The following ZMIZ1 variants were observed in gnomAD, a reference collection of about 807,000 sequenced individuals.
The protein encoded by ZMIZ1 is zinc finger MIZ domain-containing protein 1.
A neutral mutation model predicts 113.9 loss-of-function variants in ZMIZ1; 17 were observed. That is an observed-to-expected ratio of 0.15 (90% CI 0.10 to 0.22). ZMIZ1 has a LOEUF of 0.22. Among genes scored for constraint, ZMIZ1 ranks in the 10% least tolerant of loss-of-function variants. The pLI, the probability that ZMIZ1 is intolerant of heterozygous loss-of-function variation, is 1.00. For synonymous variants in ZMIZ1, 607 were observed against 603.1 expected (o/e 1.01, Z -0.09); for missense variants, 1,059 against 1,477.8 (o/e 0.72, Z 4.65).
intron 2 of ZMIZ1, among the ~76,000 whole-genome samples, chr10:79,121,110 C>A (rs1844270078): frequency 6.6e-6 from 1 of 152,188 alleles, no homozygotes; most frequent in African/African-American, 2.4e-5. Context: ...CTCAGGGACA[C>A]CTGCTCATAA....
intron 7 of ZMIZ1, among the ~76,000 whole-genome samples, chr10:79,268,848 G>A (rs572129794): frequency 6.6e-6 from 1 of 152,350 alleles, no homozygotes; most frequent in East Asian, 1.9e-4. Context: ...AGGCAGGTTT[G>A]GAGATGGAGA....
At chr10:79,117,857 G>A (rs1844122682) in intron 1 of ZMIZ1, among the ~76,000 whole-genome samples, 1 of 152,208 alleles carries the variant, frequency 6.6e-6, no homozygotes, top group Non-Finnish European at 1.5e-5. Flanking sequence ...CCAGGTCAGG[G>A]GAAGTAGAGC....
chr10:79,101,192 A>G (rs910889393), intron 1 of ZMIZ1, among the ~76,000 whole-genome samples: 1 of 152,116 alleles, frequency 6.6e-6, no homozygotes, highest in Non-Finnish European at 1.5e-5. Context: ...GAGGAAGGCA[A>G]GATCTTGGCA....
rs369252420 is a variant in ZMIZ1 at position 79,149,631 on chromosome 10, G to A, written c.-131+9854G>A. ...GGGGTGAAGGGGTCTTTCTCTAGGC[G>A]CTGTGCCTGTGGTTGACATCACGTT... is the stretch of plus-strand genomic sequence containing the variant. On this transcript the variant is annotated intron_variant, in intron 3 of 24. Transcript: ENST00000334512. Among the ~76,000 whole-genome samples, 11 of 152,308 alleles carry A rather than the reference G, an allele frequency of 7.2e-5. 1 individual carries two copies. The East Asian group carries it at 9.7e-4, about 13-fold the overall frequency.
At chr10:79,232,337 G>C (rs1048572940) in intron 7 of ZMIZ1, among the ~76,000 whole-genome samples, 24 of 152,312 alleles carry the variant, frequency 1.6e-4, no homozygotes, top group African/African-American at 4.8e-4. Flanking sequence ...AAGATGGCTG[G>C]TATGGGAAGG....
intron 24 of ZMIZ1, 42 bp from the exon 25 acceptor site, chr10:79,312,599 TC>T (rs769309432): frequency 1.9e-6 from 3 of 1,608,978 alleles, no homozygotes; most frequent in South Asian, 2.2e-5. Context: ...GGCCTGCCTC[TC>T]AGGCACACCT....
chr10:79,179,955 G>A (rs997467506), intron 4 of ZMIZ1, among the ~76,000 whole-genome samples: 2 of 152,244 alleles, frequency 1.3e-5, no homozygotes, highest in African/African-American at 4.8e-5. Flanking sequence ...TCAGCATCCT[G>A]GGGCCAACGG....
intron 10 of ZMIZ1, 69 bp from the exon 11 acceptor site, chr10:79,292,089 C>T: frequency 6.9e-7 from 1 of 1,450,338 alleles, no homozygotes; most frequent in South Asian, 1.2e-5. Flanking sequence ...CCCTTCCAGC[C>T]CACAGCTTGC....
intron 7 of ZMIZ1, among the ~76,000 whole-genome samples, chr10:79,236,915 A>C (rs1292176957): frequency 1.3e-5 from 2 of 152,256 alleles, no homozygotes; most frequent in Non-Finnish European, 2.9e-5. Context: ...CCTTTTAGTG[A>C]GGGAGACAGC....
chr10:79,075,949 G>T (rs1422469839), intron 1 of ZMIZ1, among the ~76,000 whole-genome samples: 1 of 152,204 alleles, frequency 6.6e-6, no homozygotes, highest in Non-Finnish European at 1.5e-5. Context: ...TGGCAGGGAG[G>T]ATGGGGACGG....
intron 4 of ZMIZ1, among the ~76,000 whole-genome samples, chr10:79,170,849 C>A (rs891342534): frequency 6.6e-6 from 1 of 152,048 alleles, no homozygotes; most frequent in Non-Finnish European, 1.5e-5. Flanking sequence ...CCAACCCATG[C>A]GGCCCACCAT....
In ZMIZ1 at chr10:79,278,633, G is replaced by A. The variant is rs963925786; in HGVS notation, c.425+1308G>A. Among the ~76,000 whole-genome samples the A allele has an allele frequency of 3.3e-5, 5 of 151,360 alleles. No homozygotes were observed. The East Asian group carries it at 9.7e-4, about 29-fold the overall frequency. On this transcript the variant is annotated intron_variant, in intron 8 of 24. Transcript: ENST00000334512. ...TGGGTACTTGAGATTAGGGAGTGGT[G>A]ATGACTCTTAACGAGCATGCTGCCT...
intron 4 of ZMIZ1, among the ~76,000 whole-genome samples, chr10:79,189,966 C>T (rs75938785): frequency 0.016 from 2,478 of 152,328 alleles, 65 homozygotes; most frequent in African/African-American, 0.056. Context: ...ACCCAGCTGA[C>T]GCACGCCCCT....
chr10:79,182,408 G>T (rs898000780), intron 4 of ZMIZ1, among the ~76,000 whole-genome samples: 1 of 152,130 alleles, frequency 6.6e-6, no homozygotes, highest in African/African-American at 2.4e-5. Context: ...CCCCCGAGAG[G>T]GCCTGCTTCT....
intron 2 of ZMIZ1, among the ~76,000 whole-genome samples, chr10:79,122,047 G>T (rs1844313274): frequency 6.6e-6 from 1 of 152,184 alleles, no homozygotes; most frequent in Non-Finnish European, 1.5e-5. Flanking sequence ...TGACAGCAGA[G>T]TAGGGTCCTT....
At chr10:79,170,711 G>A (rs1483975239) in intron 4 of ZMIZ1, among the ~76,000 whole-genome samples, 1 of 152,226 alleles carries the variant, frequency 6.6e-6, no homozygotes, top group Admixed American at 6.5e-5. Context: ...CATTGGAACT[G>A]CAGAATGACC....
intron 7 of ZMIZ1, among the ~76,000 whole-genome samples, chr10:79,261,515 C>T (rs891163522): frequency 1.3e-5 from 2 of 152,204 alleles, no homozygotes; most frequent in African/African-American, 4.8e-5. Flanking sequence ...GCCTGAACTG[C>T]AGATGGCCCA....
intron 4 of ZMIZ1, among the ~76,000 whole-genome samples, chr10:79,198,081 A>G (rs979132998): frequency 2.6e-5 from 4 of 152,086 alleles, no homozygotes; most frequent in Non-Finnish European, 4.4e-5. Context: ...AACATGGTGA[A>G]ACCCCATCTC....
At chr10:79,271,715 C>T (rs1040713178) in intron 7 of ZMIZ1, among the ~76,000 whole-genome samples, 4 of 152,124 alleles carry the variant, frequency 2.6e-5, no homozygotes, top group Admixed American at 2.6e-4. Context: ...GGAGGAAGCA[C>T]CATTAGAGAT....
Sources: allele counts gnomAD v4.1 joint callset (sites outside exome capture counted in the v4.1 genomes callset), GRCh38; gene constraint gnomAD v4.1.1; transcripts MANE v1.5; gene names NCBI Gene and HGNC (gene_info 2026-07-23, HGNC 2026-07-21).